The following RBMS3 variants were observed in gnomAD, a reference collection of about 807,000 sequenced individuals.
RBMS3 encodes the protein RNA-binding motif, single-stranded-interacting protein 3.
RBMS3 carries 27 observed loss-of-function variants against 66.8 expected under a neutral mutation model. That is an observed-to-expected ratio of 0.40 (90% CI 0.30 to 0.56). RBMS3 has a LOEUF of 0.56. Among genes scored for constraint, RBMS3 ranks in the 20% least tolerant of loss-of-function variants. RBMS3 has a pLI of 0.40. For missense variants in RBMS3, 513 were observed against 549.5 expected (o/e 0.93, Z 0.66); for synonymous variants, 188 against 183.0 (o/e 1.03, Z -0.22).
intron 3 of RBMS3, among the ~76,000 whole-genome samples, chr3:29,494,427 A>G (rs1244767433): frequency 1.3e-5 from 2 of 152,190 alleles, no homozygotes; most frequent in East Asian, 1.9e-4. Context: ...TTCATTCCGT[A>G]TAATATGACA....
intron 3 of RBMS3, among the ~76,000 whole-genome samples, chr3:29,550,163 T>C (rs577838569): frequency 1.3e-5 from 2 of 152,332 alleles, no homozygotes; most frequent in Admixed American, 1.3e-4. Flanking sequence ...TAGGACAGCG[T>C]AGGCTTTGCA....
At chr3:29,885,327 T>G (rs2059845076) in intron 8 of RBMS3, among the ~76,000 whole-genome samples, 1 of 151,938 alleles carries the variant, frequency 6.6e-6, no homozygotes, top group South Asian at 2.1e-4. Flanking sequence ...TAAGGATATC[T>G]TTTCATATAT....
At chr3:29,992,355 G>A (rs1380488311) in intron 14 of RBMS3, among the ~76,000 whole-genome samples, 1 of 152,162 alleles carries the variant, frequency 6.6e-6, no homozygotes, top group African/African-American at 2.4e-5. Flanking sequence ...GGGAGGCCGA[G>A]GCGGGCGGAT....
At chr3:29,807,241 T>A (rs2057583312) in intron 6 of RBMS3, among the ~76,000 whole-genome samples, 1 of 151,946 alleles carries the variant, frequency 6.6e-6, no homozygotes, top group Admixed American at 6.6e-5. Flanking sequence ...AATGTCACTG[T>A]CTCACTAACT....
intron 4 of RBMS3, among the ~76,000 whole-genome samples, chr3:29,681,044 TAATA>T (rs2051464296): frequency 6.6e-6 from 1 of 152,232 alleles, no homozygotes; most frequent in African/African-American, 2.4e-5. Context: ...TTTCTTAATT[TAATA>T]AAGAGAGTCC....
chr3:29,449,488 A>G (rs1364220835), intron 2 of RBMS3, among the ~76,000 whole-genome samples: 3 of 152,236 alleles, frequency 2.0e-5, no homozygotes, highest in Admixed American at 6.5e-5. Flanking sequence ...CTTACTGCCT[A>G]TGTAAACAAC....
intron 3 of RBMS3, among the ~76,000 whole-genome samples, chr3:29,561,075 GCTTTT>G (rs2046532532): frequency 6.6e-6 from 1 of 151,476 alleles, no homozygotes; most frequent in Non-Finnish European, 1.5e-5. Flanking sequence ...GGATCTCATT[GCTTTT>G]TATGGCTACA....
chr3:29,320,978 CTG>C (rs1167725907), intron 1 of RBMS3, among the ~76,000 whole-genome samples: 1 of 151,682 alleles, frequency 6.6e-6, no homozygotes, highest in Non-Finnish European at 1.5e-5. Context: ...AACTTTATTC[CTG>C]TGTCATGCAA....
chr3:29,497,798 C>A (rs1415520744), intron 3 of RBMS3, among the ~76,000 whole-genome samples: 1 of 151,874 alleles, frequency 6.6e-6, no homozygotes, highest in Non-Finnish European at 1.5e-5. Context: ...CAGGACAGTT[C>A]TGAGTAGTCA....
At chr3:29,787,552 G>C (rs2056861490) in intron 6 of RBMS3, among the ~76,000 whole-genome samples, 1 of 152,186 alleles carries the variant, frequency 6.6e-6, no homozygotes, top group South Asian at 2.1e-4. Context: ...TGCAATTGCA[G>C]GATGGAATTG....
chr3:29,831,159 A>G (rs1576937125), intron 6 of RBMS3, among the ~76,000 whole-genome samples: 1 of 152,212 alleles, frequency 6.6e-6, no homozygotes, highest in East Asian at 1.9e-4. Flanking sequence ...TCATATACAT[A>G]GGAATGAAAG....
chr3:29,910,226 G>A (rs1382266706), intron 10 of RBMS3, among the ~76,000 whole-genome samples: 1 of 151,998 alleles, frequency 6.6e-6, no homozygotes, highest in East Asian at 1.9e-4. Flanking sequence ...CAAGTTACCA[G>A]GGCGACAATC....
chr3:29,649,717 G>T (rs1337493565), intron 4 of RBMS3, among the ~76,000 whole-genome samples: 1 of 152,098 alleles, frequency 6.6e-6, no homozygotes, highest in African/African-American at 2.4e-5. Flanking sequence ...ATGAAACAAG[G>T]ACAAGTTTAC....
intron 2 of RBMS3, among the ~76,000 whole-genome samples, chr3:29,439,210 A>T (rs764096994): frequency 2.6e-5 from 4 of 152,162 alleles, no homozygotes; most frequent in Non-Finnish European, 5.9e-5. Context: ...TTTGGAGATG[A>T]TGTTAGAAGC....
chr3:29,458,781 C>G (rs892018981), intron 2 of RBMS3, among the ~76,000 whole-genome samples: 1 of 152,160 alleles, frequency 6.6e-6, no homozygotes, highest in Admixed American at 6.6e-5. Flanking sequence ...TCAACATATA[C>G]ATTGAATTTG....
At chr3:29,800,245 C>A (rs891698191) in intron 6 of RBMS3, among the ~76,000 whole-genome samples, 8 of 151,644 alleles carry the variant, frequency 5.3e-5, no homozygotes, top group African/African-American at 1.9e-4. Flanking sequence ...ACCATTATAG[C>A]ATTTCCCCCT....
chr3:29,702,014 G>C (rs1236319068), intron 4 of RBMS3, among the ~76,000 whole-genome samples: 1 of 152,198 alleles, frequency 6.6e-6, no homozygotes, highest in Non-Finnish European at 1.5e-5. Context: ...GAGTCCAGTG[G>C]GGACTTGGAG....
chr3:29,832,896 T>A (rs1476806168), intron 6 of RBMS3, among the ~76,000 whole-genome samples: 2 of 152,102 alleles, frequency 1.3e-5, no homozygotes, highest in Non-Finnish European at 2.9e-5. Flanking sequence ...TCCCTTAATA[T>A]ACCACTATGG....
intron 3 of RBMS3, among the ~76,000 whole-genome samples, chr3:29,510,282 T>C (rs887674080): frequency 7.9e-5 from 12 of 152,188 alleles, no homozygotes; most frequent in Admixed American, 2.6e-4. Context: ...TATGTATCTT[T>C]GACACCAAGA....
Sources: gnomAD v4.1 joint callset for allele counts (sites outside exome capture counted in the v4.1 genomes callset) on GRCh38, gnomAD v4.1.1 for gene constraint, MANE v1.5 for transcripts, NCBI Gene and HGNC (gene_info 2026-07-23, HGNC 2026-07-21) for gene names.